The following KCTD5 variants were observed in gnomAD, a reference collection of about 807,000 sequenced individuals.
The protein encoded by KCTD5 is potassium channel tetramerization domain containing 5, also known as BTB/POZ domain-containing protein KCTD5.
KCTD5 carries 12 observed loss-of-function variants against 27.9 expected under a neutral mutation model. The observed-to-expected ratio is 0.43, with a 90% CI of 0.28 to 0.70. KCTD5 has a LOEUF of 0.70. KCTD5 is among the 30% of genes least tolerant of loss of function. The pLI is 0.19. For missense variants in KCTD5, 226 were observed against 274.8 expected (o/e 0.82, Z 1.26); for synonymous variants, 147 against 121.4 (o/e 1.21, Z -1.39).
intron 1 of KCTD5, among the ~76,000 whole-genome samples, chr16:2,690,879 T>A (rs987468978): frequency 1.3e-5 from 2 of 152,258 alleles, no homozygotes; most frequent in Non-Finnish European, 2.9e-5. Flanking sequence ...TATGATTTTG[T>A]GTTTCCCATT....
intron 1 of KCTD5, among the ~76,000 whole-genome samples, chr16:2,687,137 C>T (rs1163383059): frequency 6.6e-6 from 1 of 152,202 alleles, no homozygotes; most frequent in African/African-American, 2.4e-5. Context: ...AACCTGTGCT[C>T]ACCTCTTTAT....
At chr16:2,689,829 C>T (rs1416444310) in intron 1 of KCTD5, among the ~76,000 whole-genome samples, 1 of 152,222 alleles carries the variant, frequency 6.6e-6, no homozygotes, top group Non-Finnish European at 1.5e-5. Context: ...GCACCCTCCA[C>T]CATGCCTGGC....
At chr16:2,682,882 A>C in intron 1 of KCTD5, 82 bp downstream of exon 1, 1 of 1,454,084 alleles carries the variant, frequency 6.9e-7, no homozygotes. Context: ...CGTGCGGAGG[A>C]GACTTCAGCG....
At chr16:2,688,218 T>C (rs1387677591) in intron 1 of KCTD5, among the ~76,000 whole-genome samples, 1 of 67,566 alleles carries the variant, frequency 1.5e-5, no homozygotes. Flanking sequence ...ATTAAATAAA[T>C]AAATAAATAA....
rs1218877287 is a variant in KCTD5 at position 2,696,619 on chromosome 16, C to T, written c.361+576C>T. Among the ~76,000 whole-genome samples, 16 of 152,326 alleles carry T rather than the reference C, an allele frequency of 1.1e-4. No individual in the cohort carries two copies. In the South Asian group the frequency reaches 2.5e-3, roughly 24 times the overall value. On this transcript the variant is annotated intron_variant, in intron 2 of 5. Transcript: ENST00000301738. ...CTTGGCTCAGAACAGCTCGAGGCCT[C>T]GCCGTGAAGGCTGAGGGTTTCTGGG...
intron 4 of KCTD5, among the ~76,000 whole-genome samples, 183 bp downstream of exon 4, chr16:2,700,099 G>T (rs1188370703): frequency 3.9e-5 from 6 of 152,200 alleles, no homozygotes; most frequent in Non-Finnish European, 2.9e-5. Flanking sequence ...GAGTTCGGGT[G>T]GGGTGGGCAG....
intron 1 of KCTD5, among the ~76,000 whole-genome samples, chr16:2,693,539 C>T (rs988291732): frequency 7.2e-5 from 11 of 152,234 alleles, no homozygotes; most frequent in Admixed American, 2.6e-4. Context: ...AGTGCCCTGC[C>T]GGCTCCTTGG....
At chr16:2,697,104 G>A in intron 2 of KCTD5, 1 of 152,540 alleles carries the variant, frequency 6.6e-6, no homozygotes, top group Non-Finnish European at 1.5e-5. Context: ...GGACCCATGC[G>A]GGGCCGGGAA....
intron 1 of KCTD5, among the ~76,000 whole-genome samples, chr16:2,690,942 CA>C (rs1459171817): frequency 2.0e-5 from 3 of 152,220 alleles, no homozygotes; most frequent in Admixed American, 6.5e-5. Flanking sequence ...GAGGCTGATC[CA>C]CATCCCCAAC....
At chr16:2,701,474 C>T (rs888034471) in intron 4 of KCTD5, among the ~76,000 whole-genome samples, 1 of 152,178 alleles carries the variant, frequency 6.6e-6, no homozygotes, top group Non-Finnish European at 1.5e-5. Context: ...GGGGGCATGG[C>T]CGTGAGTGCT....
intron 1 of KCTD5, among the ~76,000 whole-genome samples, chr16:2,687,689 C>A (rs1425696013): frequency 1.3e-5 from 2 of 152,218 alleles, no homozygotes; most frequent in Non-Finnish European, 2.9e-5. Flanking sequence ...AACCACCAGG[C>A]ATCCCAGGGA....
chr16:2,704,607 G>A (rs897157420), intron 5 of KCTD5, among the ~76,000 whole-genome samples: 2 of 152,236 alleles, frequency 1.3e-5, no homozygotes, highest in African/African-American at 4.8e-5. Flanking sequence ...CAGCAAGGGC[G>A]GGCACCTGGG....
At position 2,708,181 on chromosome 16, in the gene KCTD5, G is replaced by C. The variant is rs2067646040; in HGVS notation, c.*854G>C. ...GCCTGGCATAGAGGTTGGGCTGGAG[G>C]CCTGTCCACTGGCTTCTGGAGCTGA... On this transcript the variant is annotated 3_prime_UTR_variant, in exon 6 of 6. Transcript: ENST00000301738. 6.5e-6 allele frequency: 1 copy of C among 152,698 alleles called. No homozygotes were observed. The highest frequency in any genetic ancestry group is 6.5e-5 in the Admixed American group (1 of 15,288). The allele number at this position is 152,698 out of a possible 1,614,324, so 9.5% of individuals were successfully genotyped here.
At chr16:2,692,388 G>T (rs949390643) in intron 1 of KCTD5, among the ~76,000 whole-genome samples, 3 of 152,202 alleles carry the variant, frequency 2.0e-5, no homozygotes, top group African/African-American at 4.8e-5. Context: ...CTCTCTGTAG[G>T]CAGGTCGGCT....
At chr16:2,704,319 T>C (rs1435447496) in intron 5 of KCTD5, among the ~76,000 whole-genome samples, 1 of 152,144 alleles carries the variant, frequency 6.6e-6, no homozygotes, top group Non-Finnish European at 1.5e-5. Flanking sequence ...CAGGGCCGCA[T>C]GGGCTGTGGG....
In KCTD5 at chr16:2,698,893, CG is replaced by C. The variant is rs548083036; in HGVS notation, c.453+899del. ...TCTGCTTTTTTCCCTGTTGTGTGAC[CG>C]GGCTGTGTGGGCACTCCCTGCCTCA... On this transcript the variant is annotated intron_variant, in intron 3 of 5. Transcript: ENST00000301738. 4.1e-3 allele frequency among the ~76,000 whole-genome samples: 629 copies of C among 152,330 alleles called. 7 individuals are homozygous for C. Among genetic ancestry groups the C allele is most frequent in the Non-Finnish European group, 7.4e-3 (504 of 68,026 alleles).
rs571403909 is a variant in KCTD5 at position 2,697,993 on chromosome 16, C to T, written c.449C>T (p.Ser150Leu). ...DKIRERDSKT[S>L]QVPVKHVYRV... Reference sequence around the variant, plus strand: ...ATTAGAGAACGAGACAGCAAAACATCGCAGGTGAGACAAATGACTGAGGCT... The same window carrying T: ...ATTAGAGAACGAGACAGCAAAACATTGCAGGTGAGACAAATGACTGAGGCT... The change falls in exon 3 of 6, where the codon TCG becomes TTG. Residue 150 changes from serine (S) to leucine (L), a missense_variant. By Grantham distance (145) the Ser-to-Leu change is moderately radical. This residue lies in a region of KCTD5 where 135 missense variants were observed against 207.0 expected (regional missense o/e 0.65). Coordinates refer to ENST00000301738, the MANE Select transcript of KCTD5 (RefSeq NM_018992.4). 40 of 1,605,204 alleles carry T rather than the reference C, an allele frequency of 2.5e-5. 1 individual carries two copies. In the South Asian group the frequency reaches 3.1e-4, roughly 12 times the overall value.
Position 2,682,806 on chromosome 16 carries a change from G to A in KCTD5, c.252+6G>A. 1 of 1,586,286 alleles carries A rather than the reference G, an allele frequency of 6.3e-7. No homozygotes were observed. Among genetic ancestry groups the A allele is most frequent in the Non-Finnish European group, 8.6e-7 (1 of 1,168,626 alleles). On this transcript the variant is annotated splice_donor_region_variant and intron_variant, in intron 1 of 5. Coordinates refer to ENST00000301738, the MANE Select transcript of KCTD5 (RefSeq NM_018992.4). The stretch of plus-strand genomic sequence containing the variant: ...CCGACCTGGACTCAGACAAGGTGAG[G>A]GCCTCACGGGCCAGCCCGGAGGGTC...
intron 1 of KCTD5, among the ~76,000 whole-genome samples, chr16:2,686,748 T>C (rs2067540811): frequency 7.5e-6 from 1 of 132,714 alleles, no homozygotes; most frequent in Non-Finnish European, 1.6e-5. Flanking sequence ...TCTAACAGTG[T>C]ACTGGGTGTT....
Sources: allele counts gnomAD v4.1 joint callset (sites outside exome capture counted in the v4.1 genomes callset), GRCh38; gene constraint gnomAD v4.1.1; regional missense constraint gnomAD v4.1.1; transcripts MANE v1.5; gene names NCBI Gene and HGNC (gene_info 2026-07-23, HGNC 2026-07-21).